OR2A7: variants seen among roughly 807,000 people sequenced by gnomAD.
OR2A7 encodes olfactory receptor 2A7.
For missense variants in OR2A7, 35 were observed against 359.2 expected (o/e 0.10, Z 7.30); for synonymous variants, 10 against 147.1 (o/e 0.07, Z 6.74).
Position 144,258,824 on chromosome 7 carries a change from G to C in OR2A7, c.805C>G (p.Gln269Glu), listed in dbSNP as rs753748841. Residue 269 changes from glutamine to glutamate, a missense_variant, in exon 2 of 2, where the codon CAG (glutamine) becomes GAG (glutamate). By Grantham distance (29) the Gln-to-Glu change is conservative (BLOSUM62 2). Transcript: ENST00000641841. Reference sequence around the variant, plus strand: ...TGAAACAGCAGGAGATATTTCTTCTGCTCCTTGGGGTTCCCATATCTGGGT... The same window carrying C: ...TGAAACAGCAGGAGATATTTCTTCTCCTCCTTGGGGTTCCCATATCTGGGT... ...VGPRYGNPKE[Q>E]KKYLLLFHSL... is the part of the protein sequence containing the mutation. 1.9e-6 allele frequency: 3 copies of C among 1,613,068 alleles called. No homozygotes were observed. Among genetic ancestry groups the C allele is most frequent in the African/African-American group, 2.7e-5 (2 of 74,822 alleles).
At chr7:144,261,928 A>C (rs1327058055) in intron 1 of OR2A7, among the ~76,000 whole-genome samples, 2 of 151,980 alleles carry the variant, frequency 1.3e-5, no homozygotes, top group African/African-American at 4.8e-5. Context: ...ACATTTCTAC[A>C]GTGTGGCTGA....
chr7:144,264,160 G>T (rs1228153375), intron 1 of OR2A7, among the ~76,000 whole-genome samples: 1 of 151,908 alleles, frequency 6.6e-6, no homozygotes, highest in African/African-American at 2.4e-5. Flanking sequence ...TGGGATTGCT[G>T]CTGTAAACAA....
chr7:144,260,336 C>G (rs1291462746), intron 1 of OR2A7, among the ~76,000 whole-genome samples: 25 of 150,516 alleles, frequency 1.7e-4, no homozygotes, highest in African/African-American at 5.6e-4. Flanking sequence ...ATTCAGTGAG[C>G]TATCTCATAT....
intron 1 of OR2A7, among the ~76,000 whole-genome samples, chr7:144,260,221 G>T (rs1635867): frequency 1.6e-5 from 2 of 124,392 alleles, no homozygotes; most frequent in Non-Finnish European, 3.7e-5. Context: ...AAAAATAAAC[G>T]TGTCACATAT....
At chr7:144,259,662 A>T in intron 1 of OR2A7, 30 bp from the exon 2 acceptor site, 1 of 1,582,162 alleles carries the variant, frequency 6.3e-7, no homozygotes. Flanking sequence ...GTTAATGCTC[A>T]TGGTTTAGGA....
chr7:144,260,057 C>G (rs1279201680), intron 1 of OR2A7, among the ~76,000 whole-genome samples: 18 of 123,008 alleles, frequency 1.5e-4, no homozygotes, highest in African/African-American at 5.3e-4. Context: ...TGCAGTGAGC[C>G]GAGATCACAA....
chr7:144,260,595 A>G (rs1322028444), intron 1 of OR2A7, among the ~76,000 whole-genome samples: 41 of 151,938 alleles, frequency 2.7e-4, no homozygotes, highest in Non-Finnish European at 3.4e-4. Context: ...TCCACAGCAA[A>G]TATCTCACAA....
chr7:144,260,124 A>G (rs1262766336), intron 1 of OR2A7, among the ~76,000 whole-genome samples: 2 of 130,970 alleles, frequency 1.5e-5, no homozygotes, highest in Non-Finnish European at 3.3e-5. Flanking sequence ...AAAAAAAAAA[A>G]AAAAAAGAAA....
chr7:144,261,062 TC>T (rs2052638905), intron 1 of OR2A7, among the ~76,000 whole-genome samples: 1 of 146,408 alleles, frequency 6.8e-6, no homozygotes, highest in Non-Finnish European at 1.5e-5. Flanking sequence ...ATAAATTTAA[TC>T]CTGCAAAACC....
intron 1 of OR2A7, among the ~76,000 whole-genome samples, chr7:144,261,740 T>G (rs1212548800): frequency 6.6e-6 from 1 of 151,620 alleles, no homozygotes; most frequent in Non-Finnish European, 1.5e-5. Context: ...AATTTGAGCA[T>G]TAAGAGAGTA....
At chr7:144,261,935 C>CT (rs1563087980) in intron 1 of OR2A7, among the ~76,000 whole-genome samples, 3 of 152,052 alleles carry the variant, frequency 2.0e-5, no homozygotes, top group Admixed American at 6.6e-5. Flanking sequence ...TACAGTGTGG[C>CT]TGAGTTTACT....
At chr7:144,264,220 T>C (rs1192576843) in intron 1 of OR2A7, among the ~76,000 whole-genome samples, 2 of 152,044 alleles carry the variant, frequency 1.3e-5, no homozygotes, top group Non-Finnish European at 2.9e-5. Context: ...TGTATTTTAC[T>C]ATGCATTTAC....
chr7:144,262,727 TG>T lies in OR2A7; in HGVS notation c.-5+1973del, dbSNP rs1281507153. The stretch of plus-strand genomic sequence containing the variant: ...TTTCTTTTTTTTTTTTGATAATATC[TG>T]GTCCTGCCCTTATGGGAAGGATAAA... On this transcript the variant is annotated intron_variant, in intron 1 of 1. Coordinates refer to ENST00000641841, the MANE Select transcript of OR2A7 (RefSeq NM_001005328.2). 1.3e-3 allele frequency among the ~76,000 whole-genome samples: 169 copies of T among 130,106 alleles called. 5 individuals carry two copies. Among genetic ancestry groups the T allele is most frequent in the African/African-American group, 4.6e-3 (162 of 35,420 alleles). The allele number at this position is 130,106 out of a possible 152,430, so 85.4% of individuals were successfully genotyped here. A position where few individuals can be genotyped will look rare whatever the true frequency, so the allele number is the denominator to read the frequency against.
At chr7:144,262,705 C>CT (rs879312078) in intron 1 of OR2A7, among the ~76,000 whole-genome samples, 23,654 of 91,262 alleles carry the variant, frequency 0.26, 2,668 homozygotes, top group South Asian at 0.51. Context: ...TGAAAATTTT[C>CT]TTTTTTTTTT....
At chr7:144,260,552 CTT>C (rs1387733539) in intron 1 of OR2A7, among the ~76,000 whole-genome samples, 1 of 151,880 alleles carries the variant, frequency 6.6e-6, no homozygotes, top group Non-Finnish European at 1.5e-5. Flanking sequence ...TCATTCACCT[CTT>C]AAACTTTCCA....
intron 1 of OR2A7, among the ~76,000 whole-genome samples, chr7:144,259,906 G>C (rs1374006323): frequency 7.3e-6 from 1 of 137,300 alleles, no homozygotes; most frequent in African/African-American, 2.7e-5. Flanking sequence ...TCAGGAGTTC[G>C]AGACCAGCAT....
chr7:144,264,207 C>G (rs1263041320), intron 1 of OR2A7, among the ~76,000 whole-genome samples: 1 of 152,040 alleles, frequency 6.6e-6, no homozygotes, highest in African/African-American at 2.4e-5. Flanking sequence ...AAGCAAACAA[C>G]TATGTATTTT....
chr7:144,261,518 G>GA (rs1181243484), intron 1 of OR2A7, among the ~76,000 whole-genome samples: 2 of 151,082 alleles, frequency 1.3e-5, no homozygotes, highest in African/African-American at 2.4e-5. Flanking sequence ...AAATTTTAAA[G>GA]AAAAAAAGTG....
rs1236289941 is a variant in OR2A7 at position 144,261,555 on chromosome 7, T to C, written c.-4-1923A>G. Among the ~76,000 whole-genome samples the C allele has an allele frequency of 2.0e-5, 3 of 151,228 alleles. No homozygotes were observed. In the East Asian group the frequency reaches 5.8e-4, roughly 29 times the overall value. On this transcript the variant is annotated intron_variant, in intron 1 of 1. Transcript: ENST00000641841. ...TGGTCTTTTTTGTTAACGTTGAACA[T>C]TTACCAGAGTCAGTTGCACACAGAT...
Sources: allele counts gnomAD v4.1 joint callset (sites outside exome capture counted in the v4.1 genomes callset), GRCh38; gene constraint gnomAD v4.1.1; transcripts MANE v1.5; gene names NCBI Gene and HGNC (gene_info 2026-07-23, HGNC 2026-07-21).